ASIC2: variants seen among roughly 807,000 people sequenced by gnomAD.
ASIC2 encodes the protein acid sensing ion channel subunit 2, also known as acid-sensing ion channel 2.
A neutral mutation model predicts 57.3 loss-of-function variants in ASIC2; 25 were observed. That is an observed-to-expected ratio of 0.44 (90% CI 0.32 to 0.61). ASIC2 has a LOEUF of 0.61. ASIC2 is among the 20% of genes least tolerant of loss of function. ASIC2 has a pLI of 0.06. For missense variants in ASIC2, 641 were observed against 738.1 expected (o/e 0.87, Z 1.52); for synonymous variants, 319 against 307.5 (o/e 1.04, Z -0.39).
At position 33,898,220 on chromosome 17, in the gene ASIC2, C is replaced by CTTTTTTTTTTTTTTTTTTTTTTT. The variant is rs771624171; in HGVS notation, c.555+257735_555+257757dup. Among the ~76,000 whole-genome samples, 5 of 66,188 alleles carry CTTTTTTTTTTTTTTTTTTTTTTT rather than the reference C, an allele frequency of 7.6e-5. 1 individual carries two copies. Among genetic ancestry groups the CTTTTTTTTTTTTTTTTTTTTTTT allele is most frequent in the East Asian group, 3.1e-4 (1 of 3,178 alleles). The allele number at this position is 66,188 out of a possible 152,430, so 43.4% of individuals were successfully genotyped here. ...AAACTGCCCAGAGTTCATGTATAAT[C>CTTTTTTTTTTTTTTTTTTTTTTT]TTTTTTTTTTTTTTTTTTTTTTTTT... On this transcript the variant is annotated intron_variant, in intron 1 of 9. Coordinates refer to the ASIC2 transcript ENST00000359872.
intron 1 of ASIC2, among the ~76,000 whole-genome samples, chr17:33,799,760 C>A (rs952970929): frequency 5.3e-5 from 8 of 151,802 alleles, no homozygotes; most frequent in African/African-American, 1.7e-4. Flanking sequence ...CTATAGCTAC[C>A]ATATATTGTT....
intron 3 of ASIC2, among the ~76,000 whole-genome samples, chr17:33,038,533 G>C (rs1272597953): frequency 6.6e-6 from 1 of 152,182 alleles, no homozygotes; most frequent in Admixed American, 6.5e-5. Flanking sequence ...AGATCGAGGA[G>C]AGACACCCAG....
intron 1 of ASIC2, among the ~76,000 whole-genome samples, chr17:33,984,862 T>A (rs149846117): frequency 6.6e-6 from 1 of 152,204 alleles, no homozygotes; most frequent in African/African-American, 2.4e-5. Context: ...ACAGAAGGCA[T>A]GGATCACCTC....
At chr17:33,589,915 T>C (rs1235861148) in intron 1 of ASIC2, among the ~76,000 whole-genome samples, 1 of 152,180 alleles carries the variant, frequency 6.6e-6, no homozygotes, top group Non-Finnish European at 1.5e-5. Context: ...CTATTTGAAC[T>C]GAATTTTGAA....
intron 1 of ASIC2, chr17:33,580,034 C>T (rs887737703): frequency 2.0e-5 from 3 of 152,108 alleles, no homozygotes; most frequent in Admixed American, 1.3e-4. Flanking sequence ...ATTTCCAATC[C>T]TTTAGCTAGA....
chr17:33,033,263 C>T (rs115795134), intron 3 of ASIC2, among the ~76,000 whole-genome samples: 1,722 of 152,224 alleles, frequency 0.011, 35 homozygotes, highest in African/African-American at 0.039. Context: ...AGCTCCTGGG[C>T]GGGGCTACAG....
rs557225479 is a variant in ASIC2, at chr17:33,882,173, G to A, written c.555+273805C>T. On this transcript the variant is annotated intron_variant, in intron 1 of 9. Coordinates refer to the ASIC2 transcript ENST00000359872. The stretch of plus-strand genomic sequence containing the variant: ...ATAAAAACCCTAGAAGAAAACCTAG[G>A]CATTACCATTCGGGACATAGGCATG... Among the ~76,000 whole-genome samples the A allele has an allele frequency of 3.9e-5, 6 of 152,238 alleles. No homozygotes were observed. In the South Asian group the frequency reaches 1.0e-3, roughly 26 times the overall value.
intron 1 of ASIC2, among the ~76,000 whole-genome samples, chr17:33,834,756 T>C (rs1297336792): frequency 6.6e-6 from 1 of 152,210 alleles, no homozygotes; most frequent in Non-Finnish European, 1.5e-5. Context: ...AATTTATCTT[T>C]GCCCCAAGAG....
chr17:33,642,221 C>G (rs969118868), intron 1 of ASIC2, among the ~76,000 whole-genome samples: 20 of 125,304 alleles, frequency 1.6e-4, no homozygotes, highest in East Asian at 4.7e-4. Context: ...CCCCCCCCCC[C>G]ACACACAATG....
At position 33,969,339 on chromosome 17, in the gene ASIC2, G is replaced by A. The variant is rs36051780; in HGVS notation, c.555+186639C>T. On this transcript the variant is annotated intron_variant, in intron 1 of 9. Transcript: ENST00000359872. ...AATGTTGTGGGCTGACAAAATGAAT[G>A]AATGAATGGAGGATGTAAGCAAATG... Among the ~76,000 whole-genome samples the A allele has an allele frequency of 7.6e-3, 1,158 of 152,234 alleles. 11 individuals are homozygous for A. The highest frequency in any genetic ancestry group is 0.025 in the African/African-American group (1,039 of 41,540).
chr17:33,481,706 A>AAAAAC (rs1247076397), intron 1 of ASIC2, among the ~76,000 whole-genome samples: 2 of 152,216 alleles, frequency 1.3e-5, no homozygotes, highest in East Asian at 3.9e-4. Flanking sequence ...CATTTAAAAC[A>AAAAAC]AAAACAAAAC....
intron 1 of ASIC2, among the ~76,000 whole-genome samples, chr17:33,421,464 T>C (rs1597722710): frequency 1.3e-5 from 2 of 152,218 alleles, no homozygotes; most frequent in African/African-American, 2.4e-5. Context: ...GGCTAGTAGA[T>C]GGCTTCCAAG....
intron 1 of ASIC2, among the ~76,000 whole-genome samples, chr17:33,380,980 G>A (rs1909467888): frequency 1.3e-5 from 2 of 152,204 alleles, no homozygotes; most frequent in African/African-American, 2.4e-5. Context: ...GTGGGCCAAA[G>A]AGGCCCTTGG....
At position 34,156,120 on chromosome 17, in the gene ASIC2, C is replaced by T. The variant is rs754954730; in HGVS notation, c.413G>A (p.Arg138Gln). ...GTAGTGCTTGAAGTTGGCCTTCTGC[C>T]GCAGGGCCTCCAGCACGGAGGGGTC... Residue 138 changes from arginine to glutamine, a missense_variant, in exon 1 of 10, where the codon CGG (arginine) becomes CAG (glutamine). Transcript: ENST00000359872. This position sits in a 1 kb window ranked among gnomAD's most constrained non-coding sequence, Gnocchi z 4.4. 20 of 1,613,960 alleles carry T rather than the reference C, an allele frequency of 1.2e-5. No individual in the cohort carries two copies. The South Asian group carries it at 1.3e-4, about 11-fold the overall frequency.
intron 1 of ASIC2, among the ~76,000 whole-genome samples, chr17:34,058,000 G>A (rs928070115): frequency 1.3e-5 from 2 of 152,040 alleles, no homozygotes; most frequent in Admixed American, 6.6e-5. Context: ...ACTTGTGTGC[G>A]TGCACAACTC....
intron 1 of ASIC2, among the ~76,000 whole-genome samples, chr17:33,469,462 C>G (rs2141918298): frequency 6.6e-6 from 1 of 152,308 alleles, no homozygotes; most frequent in African/African-American, 2.4e-5. Flanking sequence ...GGCCCACCCT[C>G]TAGCTTCCAG....
intron 2 of ASIC2, among the ~76,000 whole-genome samples, chr17:33,102,808 G>GA (rs2141978668): frequency 6.6e-6 from 1 of 152,210 alleles, no homozygotes; most frequent in African/African-American, 2.4e-5. Flanking sequence ...ATTTGAGATG[G>GA]AGTCTCGCTC....
chr17:33,578,565 A>G (rs1396939781), intron 1 of ASIC2, among the ~76,000 whole-genome samples: 10 of 152,180 alleles, frequency 6.6e-5, no homozygotes, highest in Non-Finnish European at 2.9e-5. Flanking sequence ...AAAAGTTCAA[A>G]CAAGTTTCCT....
At chr17:33,725,732 C>CT (rs1555554941) in intron 1 of ASIC2, among the ~76,000 whole-genome samples, 14 of 110,054 alleles carry the variant, frequency 1.3e-4, no homozygotes, top group Admixed American at 9.3e-4. Flanking sequence ...CCCCCCCCCC[C>CT]TTTTTTTATG....
Sources: gnomAD v4.1 joint callset for allele counts (sites outside exome capture counted in the v4.1 genomes callset) on GRCh38, gnomAD v4.1.1 for gene constraint, Gnocchi (gnomAD v3.1) non-coding constraint, MANE v1.5 for transcripts, NCBI Gene and HGNC (gene_info 2026-07-23, HGNC 2026-07-21) for gene names.